The following NELL1 variants were observed in gnomAD, a reference collection of about 807,000 sequenced individuals.
NELL1 encodes neural EGFL like 1, also known as protein kinase C-binding protein NELL1.
Under a neutral mutation model 107.4 loss-of-function variants are expected in NELL1, and 76 were observed. The ratio of observed to expected loss-of-function variants is 0.71; its 90% CI spans 0.59 to 0.86. The LOEUF is 0.86. Ranked by LOEUF, NELL1 falls within the 40% of genes least tolerant of loss-of-function variation. The probability of loss-of-function intolerance (pLI) is 0.00; values close to 1 mark genes in which losing one functional copy is unlikely to be tolerated. For missense variants in NELL1, 1,024 were observed against 1,005.5 expected (o/e 1.02, Z -0.25); for synonymous variants, 353 against 341.2 (o/e 1.03, Z -0.38).
At chr11:21,350,554 A>T (rs1051317291) in intron 14 of NELL1, among the ~76,000 whole-genome samples, 2 of 152,188 alleles carry the variant, frequency 1.3e-5, no homozygotes, top group Admixed American at 1.3e-4. Flanking sequence ...AGGTGAAAAC[A>T]CCTGAGTGAC....
At chr11:20,878,169 GCTAACA>G (rs1224676634) in intron 4 of NELL1, among the ~76,000 whole-genome samples, 1 of 151,876 alleles carries the variant, frequency 6.6e-6, no homozygotes, top group Non-Finnish European at 1.5e-5. Context: ...GACCATCCTG[GCTAACA>G]CGGTGAAAAC....
At chr11:21,543,101 C>A (rs2133980620) in intron 16 of NELL1, among the ~76,000 whole-genome samples, 1 of 152,036 alleles carries the variant, frequency 6.6e-6, no homozygotes, top group South Asian at 2.1e-4. Flanking sequence ...GGCAGAGACA[C>A]TAATCCCAGA....
intron 12 of NELL1, among the ~76,000 whole-genome samples, chr11:21,068,719 A>G (rs879776332): frequency 2.0e-5 from 3 of 152,322 alleles, no homozygotes; most frequent in Non-Finnish European, 4.4e-5. Flanking sequence ...GATTAGATTC[A>G]GGATCCCAAG....
intron 4 of NELL1, 105 bp downstream of exon 4, chr11:20,847,858 C>G: frequency 3.3e-6 from 4 of 1,206,042 alleles, no homozygotes; most frequent in Non-Finnish European, 4.6e-6. Flanking sequence ...AAACAAACAC[C>G]AAGGGACCCT....
At chr11:20,870,216 C>T (rs762601070) in intron 4 of NELL1, among the ~76,000 whole-genome samples, 3 of 152,138 alleles carry the variant, frequency 2.0e-5, no homozygotes, top group African/African-American at 7.2e-5. Flanking sequence ...GGCTACATCC[C>T]AAGTTCAGTG....
Position 20,942,353 on chromosome 11 carries a change from C to G in NELL1, c.1071+4494C>G, listed in dbSNP as rs576005684. Among the ~76,000 whole-genome samples, 240 of 152,280 alleles carry G rather than the reference C, an allele frequency of 1.6e-3. 2 individuals are homozygous for G. The highest frequency in any genetic ancestry group is 4.5e-3 in the African/African-American group (188 of 41,558). On this transcript the variant is annotated intron_variant, in intron 10 of 19. Coordinates refer to ENST00000357134, the MANE Select transcript of NELL1 (RefSeq NM_006157.5). The stretch of plus-strand genomic sequence containing the variant: ...GGTGGGCATGCAGGTGTGGTGGTCT[C>G]TCTGCATCAGTGGGTACTGGGTGTA...
At chr11:21,490,144 A>G (rs76877745) in intron 15 of NELL1, among the ~76,000 whole-genome samples, 6,741 of 152,142 alleles carry the variant, frequency 0.044, 342 homozygotes, top group East Asian at 0.18. Context: ...CTATACAACA[A>G]TGATGAACTA....
At chr11:21,119,401 AG>A (rs1367130719) in intron 13 of NELL1, among the ~76,000 whole-genome samples, 3 of 149,594 alleles carry the variant, frequency 2.0e-5, no homozygotes, top group Non-Finnish European at 3.0e-5. Flanking sequence ...AAAAAAAAAA[AG>A]GATTATATAT....
chr11:21,050,727 T>G (rs1220941630), intron 12 of NELL1, among the ~76,000 whole-genome samples: 1 of 152,042 alleles, frequency 6.6e-6, no homozygotes, highest in Non-Finnish European at 1.5e-5. Flanking sequence ...CCTCCTAAAC[T>G]CTCTGGGACT....
intron 15 of NELL1, among the ~76,000 whole-genome samples, chr11:21,392,034 G>C (rs1002937078): frequency 6.6e-6 from 1 of 151,758 alleles, no homozygotes; most frequent in Admixed American, 6.6e-5. Flanking sequence ...TTGATTGCTA[G>C]CATTCTGAGA....
intron 15 of NELL1, among the ~76,000 whole-genome samples, chr11:21,468,853 C>G (rs772738764): frequency 5.9e-5 from 9 of 152,036 alleles, no homozygotes; most frequent in Non-Finnish European, 1.0e-4. Flanking sequence ...ACACAGTAGA[C>G]AGGCCACACT....
chr11:20,792,847 C>G (rs753531658), intron 3 of NELL1, among the ~76,000 whole-genome samples: 38 of 151,874 alleles, frequency 2.5e-4, no homozygotes, highest in Non-Finnish European at 4.7e-4. Context: ...ATACTTTAAA[C>G]TTATTAAACA....
intron 19 of NELL1, 117 bp from the exon 20 acceptor site, chr11:21,574,855 A>T: frequency 1.3e-6 from 1 of 796,530 alleles, no homozygotes; most frequent in South Asian, 1.7e-5. Flanking sequence ...GTCATTTTTT[A>T]TAGCCTTCTT....
chr11:21,470,745 A>C (rs538017859), intron 15 of NELL1, among the ~76,000 whole-genome samples: 8 of 152,108 alleles, frequency 5.3e-5, no homozygotes, highest in Non-Finnish European at 1.0e-4. Flanking sequence ...ACCTCAGGAC[A>C]TATTTGCTGC....
intron 12 of NELL1, 49 bp from the exon 13 acceptor site, chr11:21,113,540 T>C (rs3758810): frequency 0.034 from 53,772 of 1,564,470 alleles, 1,792 homozygotes; most frequent in South Asian, 0.14. Flanking sequence ...ATTACACTGT[T>C]GTTCCATTAT....
intron 13 of NELL1, among the ~76,000 whole-genome samples, chr11:21,179,463 A>G (rs1405381778): frequency 6.6e-6 from 1 of 151,864 alleles, no homozygotes; most frequent in Non-Finnish European, 1.5e-5. Flanking sequence ...TCATGATGTG[A>G]GTTGGCTAGT....
chr11:21,120,202 A>G (rs527688371), intron 13 of NELL1, among the ~76,000 whole-genome samples: 2 of 152,316 alleles, frequency 1.3e-5, no homozygotes, highest in African/African-American at 4.8e-5. Flanking sequence ...TAAGTACACT[A>G]TAATGAAAAG....
intron 2 of NELL1, among the ~76,000 whole-genome samples, chr11:20,744,393 G>A (rs1358018715): frequency 6.6e-6 from 1 of 152,172 alleles, no homozygotes; most frequent in Non-Finnish European, 1.5e-5. Context: ...GTCTGAACAT[G>A]CTATATCAGT....
chr11:21,003,238 C>T (rs1171854658), intron 12 of NELL1, among the ~76,000 whole-genome samples: 1 of 152,092 alleles, frequency 6.6e-6, no homozygotes, highest in East Asian at 1.9e-4. Flanking sequence ...AAACATATAA[C>T]TTCTTTTCTG....
Sources: allele counts gnomAD v4.1 joint callset (sites outside exome capture counted in the v4.1 genomes callset), GRCh38; gene constraint gnomAD v4.1.1; transcripts MANE v1.5; gene names NCBI Gene and HGNC (gene_info 2026-07-23, HGNC 2026-07-21).